Variants in FBN2 observed in about 807,000 individuals in gnomAD.
The protein encoded by FBN2 is fibrillin 2.
FBN2 carries 105 observed loss-of-function variants against 355.6 expected under a neutral mutation model. The observed-to-expected ratio is 0.30, with a 90% CI of 0.25 to 0.35. The LOEUF is 0.35. Among genes scored for constraint, FBN2 ranks in the 10% least tolerant of loss-of-function variants. The pLI is 1.00. For synonymous variants in FBN2, 1,350 were observed against 1,301.2 expected (o/e 1.04, Z -0.81); for missense variants, 3,280 against 3,758.7 (o/e 0.87, Z 3.33).
At chr5:128,461,213 C>G (rs1018713733) in intron 6 of FBN2, among the ~76,000 whole-genome samples, 6 of 152,104 alleles carry the variant, frequency 3.9e-5, no homozygotes, top group African/African-American at 1.2e-4. Flanking sequence ...AGACACTTCT[C>G]AAAAGAAGGC....
intron 5 of FBN2, among the ~76,000 whole-genome samples, chr5:128,474,156 A>C (rs1754948291): frequency 6.6e-6 from 1 of 152,198 alleles, no homozygotes; most frequent in Non-Finnish European, 1.5e-5. Flanking sequence ...CTAAAAGTGC[A>C]CTCTCCCAAG....
intron 7 of FBN2, among the ~76,000 whole-genome samples, chr5:128,434,073 G>A (rs1753704637): frequency 6.6e-6 from 1 of 151,936 alleles, no homozygotes; most frequent in Non-Finnish European, 1.5e-5. Context: ...ACCTAACCTT[G>A]CGACCAATAC....
At chr5:128,373,763 T>A (rs1334924066) in intron 15 of FBN2, among the ~76,000 whole-genome samples, 1 of 152,210 alleles carries the variant, frequency 6.6e-6, no homozygotes, top group African/African-American at 2.4e-5. Flanking sequence ...CGCTTCTGTT[T>A]TGCCTGCCTC....
chr5:128,305,807 A>C lies in FBN2; in HGVS notation c.5548+16T>G. The C allele has an allele frequency of 6.2e-7, 1 of 1,612,654 alleles. No individual in the cohort carries two copies. The highest frequency in any genetic ancestry group is 1.3e-5 in the African/African-American group (1 of 75,050). ...CCAAATTATACTGGATAAAGGACAT[A>C]CTTTATTCAGATTACCTTCACAAAC... is the stretch of plus-strand genomic sequence containing the variant. On this transcript the variant is annotated intron_variant, in intron 43 of 64. Coordinates refer to ENST00000262464, the MANE Select transcript of FBN2 (RefSeq NM_001999.4).
intron 5 of FBN2, among the ~76,000 whole-genome samples, chr5:128,496,163 A>C (rs1036037129): frequency 6.6e-6 from 1 of 152,130 alleles, no homozygotes; most frequent in Admixed American, 6.5e-5. Context: ...AAGAGGAAAG[A>C]ACACTTCTCC....
chr5:128,395,561 C>T (rs909140880), intron 8 of FBN2, among the ~76,000 whole-genome samples: 55 of 152,280 alleles, frequency 3.6e-4, no homozygotes, highest in African/African-American at 1.2e-3. Flanking sequence ...CCTGGAGATG[C>T]GCACTGTTGT....
At chr5:128,446,893 G>C (rs2127057443) in intron 6 of FBN2, among the ~76,000 whole-genome samples, 1 of 152,280 alleles carries the variant, frequency 6.6e-6, no homozygotes, top group South Asian at 2.1e-4. Context: ...ACCGGCTGAA[G>C]CCATGGCAGA....
chr5:128,345,867 G>A (rs1751168197), intron 23 of FBN2, among the ~76,000 whole-genome samples: 1 of 152,028 alleles, frequency 6.6e-6, no homozygotes, highest in Non-Finnish European at 1.5e-5. Context: ...TTTTTGTATT[G>A]TTCACTTTAG....
At chr5:128,276,484 A>C (rs891378906) in intron 58 of FBN2, among the ~76,000 whole-genome samples, 1 of 152,176 alleles carries the variant, frequency 6.6e-6, no homozygotes, top group Non-Finnish European at 1.5e-5. Context: ...TTTTTGACCC[A>C]TGGATGTGGC....
chr5:128,435,206 G>C (rs997167872), intron 7 of FBN2, among the ~76,000 whole-genome samples: 8 of 151,966 alleles, frequency 5.3e-5, no homozygotes, highest in African/African-American at 1.9e-4. Context: ...TGGAGCAGGG[G>C]AATAAAAACA....
chr5:128,465,523 T>C lies in FBN2; in HGVS notation c.629-602A>G, dbSNP rs148273532. 2.3e-3 allele frequency among the ~76,000 whole-genome samples: 344 copies of C among 152,304 alleles called. 2 individuals are homozygous for C. Among genetic ancestry groups the C allele is most frequent in the African/African-American group, 7.9e-3 (329 of 41,570 alleles). On this transcript the variant is annotated intron_variant, in intron 5 of 64. Coordinates refer to ENST00000262464, the MANE Select transcript of FBN2 (RefSeq NM_001999.4). ...TGCTCCTTCCATATCACACATATAT[T>C]TGGGCAATCTAAACTGCCTGTAAAT...
chr5:128,527,945 G>T lies in FBN2; in HGVS notation c.459C>A (p.Cys153Ter). Residue 153 changes from cysteine to a stop codon, truncating the protein, a stop_gained, in exon 4 of 65, where the codon TGC (cysteine) becomes TGA (stop). Transcript: ENST00000262464. LOFTEE classifies it high-confidence loss of function. ...SKSIQQCSVR[C>*]MNGGTCADDH... The stretch of plus-strand genomic sequence containing the variant: ...CATCTGCACAGGTCCCACCATTCAT[G>T]CATCTCACACTGCACTGCTGAACTG... 1 of 1,612,004 alleles carries T rather than the reference G, an allele frequency of 6.2e-7. No individual in the cohort carries two copies. Among genetic ancestry groups the T allele is most frequent in the Non-Finnish European group, 8.5e-7 (1 of 1,178,480 alleles).
At chr5:128,309,452 A>G in intron 40 of FBN2, 53 bp from the exon 41 acceptor site, 1 of 1,504,684 alleles carries the variant, frequency 6.6e-7, no homozygotes, top group Non-Finnish European at 9.2e-7. Flanking sequence ...AGTAGTTTAT[A>G]ATGAAGCCCA....
Position 128,377,848 on chromosome 5 carries a change from G to A in FBN2, c.1753C>T (p.Leu585Phe), listed in dbSNP as rs1296389629. The change falls in exon 13 of 65, where the codon CTT becomes TTT. Residue 585 changes from leucine to phenylalanine, a missense_variant. Leu to Phe is a conservative substitution (Grantham distance 22). Coordinates refer to ENST00000262464, the MANE Select transcript of FBN2 (RefSeq NM_001999.4). ...DIDECIQNGV[L>F]CKNGRCVNTD... ...TTCACGCATCGACCGTTTTTACAAA[G>A]AACCCCATTCTGGATGCACTCATCA... The A allele has an allele frequency of 1.2e-6, 2 of 1,613,482 alleles. No homozygotes were observed. Among genetic ancestry groups the A allele is most frequent in the Non-Finnish European group, 1.7e-6 (2 of 1,179,562 alleles).
At chr5:128,439,140 C>T (rs1289672576) in intron 7 of FBN2, among the ~76,000 whole-genome samples, 2 of 151,928 alleles carry the variant, frequency 1.3e-5, no homozygotes, top group African/African-American at 4.8e-5. Context: ...TGAATCAGTC[C>T]ACTATCCTAT....
chr5:128,296,347 C>A (rs1181618024), intron 48 of FBN2, among the ~76,000 whole-genome samples: 1 of 152,056 alleles, frequency 6.6e-6, no homozygotes, highest in African/African-American at 2.4e-5. Flanking sequence ...TGATGCTGGC[C>A]TCATAACATG....
rs200803675 is a variant in FBN2, at chr5:128,333,053, T to C, written c.4100-19A>G. 1.9e-6 allele frequency: 3 copies of C among 1,605,718 alleles called. No homozygotes were observed. The Admixed American group carries it at 5.0e-5, about 27-fold the overall frequency. On this transcript the variant is annotated intron_variant, in intron 31 of 64. Transcript: ENST00000262464. Reference sequence around the variant, plus strand: ...TCCACATCTGATAAACCATAATTCATAAGAAGAAAATCAAAATACAAACTA... The same window carrying C: ...TCCACATCTGATAAACCATAATTCACAAGAAGAAAATCAAAATACAAACTA...
chr5:128,490,285 A>G (rs1054897813), intron 5 of FBN2, among the ~76,000 whole-genome samples: 1 of 152,216 alleles, frequency 6.6e-6, no homozygotes, highest in African/African-American at 2.4e-5. Flanking sequence ...GTTTTAACAG[A>G]TGTTAGCCAT....
intron 5 of FBN2, among the ~76,000 whole-genome samples, chr5:128,465,791 T>G (rs982632309): frequency 6.6e-6 from 1 of 152,196 alleles, no homozygotes. Flanking sequence ...CTATGAATAT[T>G]AAGTACAGTC....
Sources: allele counts gnomAD v4.1 joint callset (sites outside exome capture counted in the v4.1 genomes callset), GRCh38; gene constraint gnomAD v4.1.1; transcripts MANE v1.5; gene names NCBI Gene and HGNC (gene_info 2026-07-23, HGNC 2026-07-21).